Variants in ERMAP observed in about 807,000 individuals in gnomAD.
The protein encoded by ERMAP is erythroblast membrane associated protein (Scianna blood group).
ERMAP carries 34 observed loss-of-function variants against 49.5 expected under a neutral mutation model. The observed-to-expected ratio is 0.69, with a 90% CI of 0.52 to 0.91. ERMAP has a LOEUF of 0.91. ERMAP is among the 40% of genes least tolerant of loss of function. The probability of loss-of-function intolerance (pLI) is 0.00; values close to 1 mark genes in which losing one functional copy is unlikely to be tolerated. For synonymous variants in ERMAP, 214 were observed against 232.2 expected (o/e 0.92, Z 0.71); for missense variants, 541 against 582.6 (o/e 0.93, Z 0.74).
intron 1 of ERMAP, among the ~76,000 whole-genome samples, chr1:42,818,488 T>TA (rs1654309482): frequency 6.6e-6 from 1 of 152,214 alleles, no homozygotes; most frequent in Non-Finnish European, 1.5e-5. Context: ...ATTTAATTTT[T>TA]AAAAAATAGA....
Position 42,839,949 on chromosome 1 carries a change from G to T in ERMAP, c.638-84G>T, listed in dbSNP as rs141407368. On this transcript the variant is annotated intron_variant, in intron 8 of 11. Transcript: ENST00000372517. Reference sequence around the variant, plus strand: ...AGCTATTGAGTATCTGTCTGCTCATGGTTGGGATGGGACTGTAGCATTATG... The same window carrying T: ...AGCTATTGAGTATCTGTCTGCTCATTGTTGGGATGGGACTGTAGCATTATG... The T allele has an allele frequency of 3.4e-4, 463 of 1,351,162 alleles. 6 individuals carry two copies. The East Asian group carries it at 0.01, about 31-fold the overall frequency. The allele number at this position is 1,351,162 out of a possible 1,614,324, so 83.7% of individuals were successfully genotyped here. A position where few individuals can be genotyped will look rare whatever the true frequency, so the allele number is the denominator to read the frequency against.
rs187664368 is a variant in ERMAP at position 42,836,572 on chromosome 1, T to C, written c.584-586T>C. 3.7e-4 allele frequency among the ~76,000 whole-genome samples: 56 copies of C among 152,182 alleles called. 1 individual carries two copies. In the South Asian group the frequency reaches 1.0e-2, roughly 27 times the overall value. Reference sequence around the variant, plus strand: ...CAGATGTAATTGTGCTTTGAAAAACTTGGCCGGGCATGGTGGCTCACGCCT... The same window carrying C: ...CAGATGTAATTGTGCTTTGAAAAACCTGGCCGGGCATGGTGGCTCACGCCT... On this transcript the variant is annotated intron_variant, in intron 6 of 11. Coordinates refer to ENST00000372517, the MANE Select transcript of ERMAP (RefSeq NM_001017922.2).
At chr1:42,834,965 G>A (rs536447003) in intron 4 of ERMAP, 73 bp from the exon 5 acceptor site, 13 of 767,716 alleles carry the variant, frequency 1.7e-5, no homozygotes, top group East Asian at 4.9e-5. Context: ...TGCTGGAGCC[G>A]CCTGCCATCT....
Position 42,840,277 on chromosome 1 carries a change from A to G in ERMAP, c.693A>G (p.Arg231=). The G allele has an allele frequency of 6.2e-7, 1 of 1,614,130 alleles. No homozygotes were observed. Among genetic ancestry groups the G allele is most frequent in the Non-Finnish European group, 8.5e-7 (1 of 1,180,022 alleles). Residue 231 remains arginine (R), a synonymous_variant, in exon 11 of 12, where the codon AGA becomes AGG. Coordinates refer to ENST00000372517, the MANE Select transcript of ERMAP (RefSeq NM_001017922.2). Reference sequence around the variant, plus strand: ...CCTTTTCTCATTTTTCAGGCTGGAGAAGAGCCCGGTTGCATTTTGGTAAGT... The same window carrying G: ...CCTTTTCTCATTTTTCAGGCTGGAGGAGAGCCCGGTTGCATTTTGGTAAGT... ...LKRAAANSGW[R]RARLHFVAVT...
intron 4 of ERMAP, among the ~76,000 whole-genome samples, chr1:42,834,385 G>A (rs903669459): frequency 1.3e-5 from 2 of 152,158 alleles, no homozygotes; most frequent in Non-Finnish European, 2.9e-5. Context: ...GAAGACTGGA[G>A]GTGTGTAGTG....
At position 42,819,378 on chromosome 1, in the gene ERMAP, A is replaced by C. The variant is rs1345804925; in HGVS notation, c.-122+2125A>C. ...TATTGGGAAGGTGAAGGTTGGAGCCAGGAGGGAGTGAATGTTGAGGCTGAA... is the reference window on the plus strand; with the variant it reads ...TATTGGGAAGGTGAAGGTTGGAGCCCGGAGGGAGTGAATGTTGAGGCTGAA... On this transcript the variant is annotated intron_variant, in intron 1 of 11. Coordinates refer to ENST00000372517, the MANE Select transcript of ERMAP (RefSeq NM_001017922.2). This position sits in a 1 kb window ranked among gnomAD's most constrained non-coding sequence, Gnocchi z 5.1. 1.3e-5 allele frequency among the ~76,000 whole-genome samples: 2 copies of C among 151,932 alleles called. No individual in the cohort carries two copies. The highest frequency in any genetic ancestry group is 2.9e-5 in the Non-Finnish European group (2 of 67,856).
At chr1:42,837,127 A>G (rs771256837) in intron 6 of ERMAP, 31 bp from the exon 7 acceptor site, 5 of 1,613,354 alleles carry the variant, frequency 3.1e-6, no homozygotes, top group Non-Finnish European at 4.2e-6. Flanking sequence ...AGTGGCAAAA[A>G]ATCTCATTAT....
intron 1 of ERMAP, chr1:42,825,418 G>T: frequency 1.9e-6 from 2 of 1,068,490 alleles, no homozygotes; most frequent in Non-Finnish European, 2.3e-6. Flanking sequence ...AGGGGCAAAC[G>T]TGCCTCCTAC....
In ERMAP at chr1:42,840,045, G is replaced by A. The variant is rs767376121; in HGVS notation, c.650G>A (p.Ser217Asn). The A allele has an allele frequency of 2.5e-6, 4 of 1,614,072 alleles. No homozygotes were observed. Among genetic ancestry groups the A allele is most frequent in the Admixed American group, 3.3e-5 (2 of 60,010 alleles). Residue 217 changes from serine (S) to asparagine (N), a missense_variant, in exon 9 of 12, where the codon AGT becomes AAT. Physicochemically the swap from Ser to Asn is conservative, Grantham distance 46 (BLOSUM62 1). Transcript: ENST00000372517. ...KLHKAVKKLR[S>N]ELKLKRAAAN... The stretch of plus-strand genomic sequence containing the variant: ...TTTCATTCTTTAGAGAAACTCCGGA[G>A]TGAACTGAGTAAGTTTCCCATGTTC...
intron 1 of ERMAP, among the ~76,000 whole-genome samples, chr1:42,821,674 G>A (rs904435632): frequency 7.9e-5 from 12 of 152,112 alleles, no homozygotes; most frequent in African/African-American, 2.9e-4. Flanking sequence ...ACCTCAGGGA[G>A]CTTCAGTTTA....
In ERMAP at chr1:42,842,785, A is replaced by G. The variant is rs771701511; in HGVS notation, c.981A>G (p.Gly327=). Residue 327 remains glycine, a synonymous_variant, in exon 12 of 12, where the codon GGA becomes GGG. Transcript: ENST00000372517. The part of the protein sequence containing the change: ...KGKVTASPAN[G]HWLLRQSRGN... Reference sequence around the variant, plus strand: ...AGGTTACTGCCTCACCTGCCAATGGACACTGGCTTCTGCGACAGAGTCGTG... The same window carrying G: ...AGGTTACTGCCTCACCTGCCAATGGGCACTGGCTTCTGCGACAGAGTCGTG... 6.2e-7 allele frequency: 1 copy of G among 1,614,170 alleles called. No homozygotes were observed. Among genetic ancestry groups the G allele is most frequent in the East Asian group, 2.2e-5 (1 of 44,878 alleles).
chr1:42,841,798 T>A (rs1309141847), intron 11 of ERMAP: 1 of 152,222 alleles, frequency 6.6e-6, no homozygotes, highest in Non-Finnish European at 1.5e-5. Flanking sequence ...ACAAACCCTG[T>A]ATTTATCATC....
chr1:42,830,624 T>C, intron 3 of ERMAP, 91 bp downstream of exon 3: 1 of 1,505,276 alleles, frequency 6.6e-7, no homozygotes, highest in East Asian at 2.3e-5. Context: ...TTATGTCTTT[T>C]GGGGTTCTGT....
In ERMAP at chr1:42,844,264, A is replaced by C. The variant is rs1050976087; in HGVS notation, c.*1032A>C. 1 of 396,708 alleles carries C rather than the reference A, an allele frequency of 2.5e-6. No homozygotes were observed. The highest frequency in any genetic ancestry group is 4.4e-6 in the Non-Finnish European group (1 of 225,438). The allele number at this position is 396,708 out of a possible 1,614,324, so 24.6% of individuals were successfully genotyped here. Reference sequence around the variant, plus strand: ...GTGTGAGGATGAAATAATGACCTTGATTTTTGGGTGTGTATTGCAGAAGCC... The same window carrying C: ...GTGTGAGGATGAAATAATGACCTTGCTTTTTGGGTGTGTATTGCAGAAGCC... On this transcript the variant is annotated 3_prime_UTR_variant, in exon 12 of 12. Transcript: ENST00000372517. The surrounding 1 kb of genome is among the most constrained non-coding windows in gnomAD (Gnocchi z 4.0).
At chr1:42,841,354 A>T (rs1171738998) in intron 11 of ERMAP, among the ~76,000 whole-genome samples, 5 of 152,202 alleles carry the variant, frequency 3.3e-5, no homozygotes, top group African/African-American at 1.2e-4. Context: ...TTAGGGAAGA[A>T]TCCTTCTCTC....
At chr1:42,838,988 C>T in intron 8 of ERMAP, 67 bp downstream of exon 8, 1 of 1,613,136 alleles carries the variant, frequency 6.2e-7, no homozygotes, top group African/African-American at 1.3e-5. Flanking sequence ...GGATGAGCAT[C>T]TCAGTTTCAC....
At chr1:42,835,600 C>T (rs1654871200) in intron 5 of ERMAP, 132 bp from the exon 6 acceptor site, 4 of 1,209,956 alleles carry the variant, frequency 3.3e-6, no homozygotes, top group Admixed American at 2.6e-5. Context: ...CTCTCTAATC[C>T]TTTCAAATGC....
rs367947427 is a variant in ERMAP, at chr1:42,835,764, G to T, written c.583G>T (p.Asp195Tyr). 24 of 1,608,658 alleles carry T rather than the reference G, an allele frequency of 1.5e-5. No homozygotes were observed. The African/African-American group carries it at 3.1e-4, about 21-fold the overall frequency. ...KLLYEHVTEV[D>Y]NLLSDHAKEK... ...TCTCTATGAACATGTGACGGAGGTGGGTAAGTGTTCTTGGCTGGGGGGCAG... is the reference window on the plus strand; with the variant it reads ...TCTCTATGAACATGTGACGGAGGTGTGTAAGTGTTCTTGGCTGGGGGGCAG... Residue 195 changes from aspartate to tyrosine, a missense_variant and splice_region_variant, in exon 6 of 12, where the codon GAC becomes TAC. Transcript: ENST00000372517.
At chr1:42,820,226 T>G (rs1463668926) in intron 1 of ERMAP, among the ~76,000 whole-genome samples, 1 of 152,220 alleles carries the variant, frequency 6.6e-6, no homozygotes, top group African/African-American at 2.4e-5. Flanking sequence ...TTAATTTGTT[T>G]AGGATATTTT....
Sources: gnomAD v4.1 joint callset for allele counts (sites outside exome capture counted in the v4.1 genomes callset) on GRCh38, gnomAD v4.1.1 for gene constraint, Gnocchi (gnomAD v3.1) non-coding constraint, MANE v1.5 for transcripts, NCBI Gene and HGNC (gene_info 2026-07-23, HGNC 2026-07-21) for gene names.